Variants in KIF16B observed in about 807,000 individuals in gnomAD.
The protein encoded by KIF16B is kinesin-like protein KIF16B.
Under a neutral mutation model 156.3 loss-of-function variants are expected in KIF16B, and 98 were observed. The ratio of observed to expected loss-of-function variants is 0.63; its 90% CI spans 0.53 to 0.74. The LOEUF (loss-of-function observed/expected upper bound fraction) is 0.74. KIF16B is among the 30% of genes least tolerant of loss of function. The probability of loss-of-function intolerance (pLI) is 0.00; values close to 1 mark genes in which losing one functional copy is unlikely to be tolerated. For synonymous variants in KIF16B, 564 were observed against 583.7 expected (o/e 0.97, Z 0.49); for missense variants, 1,421 against 1,606.5 (o/e 0.88, Z 1.97).
At chr20:16,549,411 G>A (rs1425586766) in intron 1 of KIF16B, among the ~76,000 whole-genome samples, 1 of 151,768 alleles carries the variant, frequency 6.6e-6, no homozygotes, top group East Asian at 1.9e-4. Context: ...TGGTGTATAT[G>A]TGCCACATTT....
At chr20:16,291,083 C>T (rs550365866) in intron 25 of KIF16B, among the ~76,000 whole-genome samples, 1 of 152,290 alleles carries the variant, frequency 6.6e-6, no homozygotes, top group African/African-American at 2.4e-5. Context: ...GTAAAATAGT[C>T]GTTGAACAAA....
At chr20:16,531,711 T>C (rs998794667) in intron 1 of KIF16B, among the ~76,000 whole-genome samples, 3 of 152,016 alleles carry the variant, frequency 2.0e-5, no homozygotes, top group Admixed American at 6.6e-5. Flanking sequence ...TTATGACAAA[T>C]TGCAAAGAAT....
At chr20:16,473,011 T>C (rs7273017) in intron 12 of KIF16B, among the ~76,000 whole-genome samples, 2,948 of 152,178 alleles carry the variant, frequency 0.019, 102 homozygotes, top group African/African-American at 0.066. Context: ...CTAAGACAGG[T>C]TTTTTTAGCA....
chr20:16,562,139 C>T (rs1468812348), intron 1 of KIF16B, among the ~76,000 whole-genome samples: 1 of 152,138 alleles, frequency 6.6e-6, no homozygotes, highest in Non-Finnish European at 1.5e-5. Context: ...TATAAATCTA[C>T]AATTATTTCA....
At chr20:16,438,236 C>T (rs1401879021) in intron 12 of KIF16B, among the ~76,000 whole-genome samples, 1 of 152,148 alleles carries the variant, frequency 6.6e-6, no homozygotes, top group Non-Finnish European at 1.5e-5. Flanking sequence ...CCAGAAGCTA[C>T]TGTTTCTCAT....
chr20:16,393,482 T>C (rs1381388023), intron 17 of KIF16B, among the ~76,000 whole-genome samples: 1 of 152,236 alleles, frequency 6.6e-6, no homozygotes, highest in Non-Finnish European at 1.5e-5. Flanking sequence ...ACGGTGTCAC[T>C]GACTTGGAAG....
chr20:16,341,297 C>G (rs1011302888), intron 23 of KIF16B, among the ~76,000 whole-genome samples: 1 of 152,122 alleles, frequency 6.6e-6, no homozygotes, highest in Admixed American at 6.5e-5. Flanking sequence ...AGTTGGTTTG[C>G]TTAAAGTTGC....
At chr20:16,445,878 T>C (rs1271644544) in intron 12 of KIF16B, among the ~76,000 whole-genome samples, 1 of 152,224 alleles carries the variant, frequency 6.6e-6, no homozygotes, top group African/African-American at 2.4e-5. Flanking sequence ...CCATTTTTTG[T>C]GTCTCTCTTT....
rs772076054 is a variant in KIF16B at position 16,371,683 on chromosome 20, T to A, written c.3429A>T (p.Thr1143=). Residue 1143 remains threonine (T), a synonymous_variant, in exon 21 of 26, where the codon ACA becomes ACT. Transcript: ENST00000354981. ...LHRVISEGCS[T]SADTMKDNEK... ...AGCTTACCTTCATCGTGTCTGCAGA[T>A]GTACTGCAGCCTTCACTAATCACAC... 3 of 1,609,458 alleles carry A rather than the reference T, an allele frequency of 1.9e-6. No individual in the cohort carries two copies. In the African/African-American group the frequency reaches 4.0e-5, roughly 22 times the overall value.
intron 22 of KIF16B, among the ~76,000 whole-genome samples, chr20:16,361,741 T>C (rs866169571): frequency 3.5e-4 from 53 of 152,218 alleles, no homozygotes; most frequent in African/African-American, 1.1e-3. Flanking sequence ...ACTTGTAGAA[T>C]ATCTTAAGTT....
chr20:16,563,593 T>C (rs541294625), intron 1 of KIF16B, among the ~76,000 whole-genome samples: 16 of 152,316 alleles, frequency 1.1e-4, no homozygotes, highest in African/African-American at 3.6e-4. Context: ...CAAACTGCTA[T>C]ATATCACACA....
intron 1 of KIF16B, among the ~76,000 whole-genome samples, chr20:16,565,827 A>G (rs2071232949): frequency 6.6e-6 from 1 of 152,192 alleles, no homozygotes; most frequent in South Asian, 2.1e-4. Flanking sequence ...GCCTTTGGGA[A>G]AGGTCATTCT....
intron 17 of KIF16B, among the ~76,000 whole-genome samples, chr20:16,394,712 T>A (rs1298412956): frequency 1.3e-5 from 2 of 151,956 alleles, no homozygotes; most frequent in African/African-American, 4.8e-5. Context: ...AAAAAGTCCA[T>A]GCTCAAGGTG....
At chr20:16,496,726 A>G (rs1201397635) in intron 11 of KIF16B, among the ~76,000 whole-genome samples, 5 of 152,226 alleles carry the variant, frequency 3.3e-5, no homozygotes. Context: ...TATAGCACTC[A>G]AAATTAGAAT....
At chr20:16,385,097 T>C (rs917761357) in intron 17 of KIF16B, among the ~76,000 whole-genome samples, 1 of 151,652 alleles carries the variant, frequency 6.6e-6, no homozygotes, top group Non-Finnish European at 1.5e-5. Context: ...CTCGGGAGGC[T>C]GAGGCAGGAG....
chr20:16,372,394 C>A (rs34501769), intron 20 of KIF16B, among the ~76,000 whole-genome samples: 6,105 of 152,250 alleles, frequency 0.04, 188 homozygotes, highest in Non-Finnish European at 0.06. Context: ...CTAGGACAGG[C>A]CCAAAACAGA....
At chr20:16,561,354 G>A (rs1354936820) in intron 1 of KIF16B, among the ~76,000 whole-genome samples, 3 of 152,192 alleles carry the variant, frequency 2.0e-5, no homozygotes, top group East Asian at 1.9e-4. Flanking sequence ...ATGTCTTACT[G>A]TGGATCTTGT....
intron 6 of KIF16B, 58 bp downstream of exon 6, chr20:16,511,360 A>T: frequency 6.4e-6 from 6 of 938,274 alleles, no homozygotes; most frequent in Middle Eastern, 2.2e-4. Flanking sequence ...TTTTCATTGA[A>T]AGTGTTATTT....
chr20:16,381,788 C>A (rs377633025), intron 17 of KIF16B, 41 bp from the exon 18 acceptor site: 7 of 1,495,052 alleles, frequency 4.7e-6, no homozygotes, highest in South Asian at 1.2e-5. Context: ...TTCTAAAGAG[C>A]TTTTCTATCT....
Sources: gnomAD v4.1 joint callset for allele counts (sites outside exome capture counted in the v4.1 genomes callset) on GRCh38, gnomAD v4.1.1 for gene constraint, MANE v1.5 for transcripts, NCBI Gene and HGNC (gene_info 2026-07-23, HGNC 2026-07-21) for gene names.